Variants in MTPN observed in about 807,000 individuals in gnomAD.
MTPN encodes myotrophin, also known as granule cell differentiation protein.
In MTPN, 2 loss-of-function variants were observed where a neutral mutation model predicts 13.5. The ratio of observed to expected loss-of-function variants is 0.15; its 90% confidence interval spans 0.06 to 0.47. The LOEUF is 0.47. MTPN is among the 20% of genes least tolerant of loss of function. MTPN has a pLI of 0.97. For synonymous variants in MTPN, 46 were observed against 51.7 expected (o/e 0.89, Z 0.48); for missense variants, 79 against 137.9 (o/e 0.57, Z 2.14).
rs1478917498 is a variant in MTPN, at chr7:135,928,864, T to A, written c.*1062A>T. On this transcript the variant is annotated 3_prime_UTR_variant, in exon 4 of 4. Transcript: ENST00000393085. ...CAACTCTGGGAAACCTGGTTACAAG[T>A]GTATTTTTGAAGGGATGGGGCTAAA... 6.0e-6 allele frequency: 1 copy of A among 167,062 alleles called. No homozygotes were observed. The highest frequency in any genetic ancestry group is 2.4e-5 in the African/African-American group (1 of 41,446). 10.3% of individuals were successfully genotyped at this position (167,062 alleles called of 1,614,324 possible). A position where few individuals can be genotyped will look rare whatever the true frequency, so the allele number is the denominator to read the frequency against.
At chr7:135,965,070 A>T (rs1467849246) in intron 1 of MTPN, among the ~76,000 whole-genome samples, 1 of 152,072 alleles carries the variant, frequency 6.6e-6, no homozygotes, top group African/African-American at 2.4e-5. Flanking sequence ...CCAAGGCCTA[A>T]AATATTTACT....
chr7:135,931,071 C>T (rs1056364657), intron 3 of MTPN, among the ~76,000 whole-genome samples: 3 of 152,176 alleles, frequency 2.0e-5, no homozygotes, highest in Admixed American at 1.3e-4. Context: ...TCACCAGTTC[C>T]TGCTGTGTTT....
rs572690619 is a variant in MTPN, at chr7:135,927,674, T to A, written c.*2252A>T. 2 of 582,108 alleles carry A rather than the reference T, an allele frequency of 3.4e-6. No homozygotes were observed. Among genetic ancestry groups the A allele is most frequent in the South Asian group, 3.1e-5 (2 of 64,172 alleles). The allele number at this position is 582,108 out of a possible 1,614,324, so 36.1% of individuals were successfully genotyped here. A position where few individuals can be genotyped will look rare whatever the true frequency, so the allele number is the denominator to read the frequency against. ...AGTTAAAAAAAGAAACTGTGAACCA[T>A]CTTGGTCAGTCTATTCTATTCTATG... On this transcript the variant is annotated 3_prime_UTR_variant, in exon 4 of 4. Coordinates refer to ENST00000393085, the MANE Select transcript of MTPN (RefSeq NM_145808.4).
In MTPN at chr7:135,929,778, G is replaced by C; in HGVS notation, c.*148C>G. On this transcript the variant is annotated 3_prime_UTR_variant, in exon 4 of 4. Transcript: ENST00000393085. ...CCAAAACAATTTTTTTTTTCTGGTA[G>C]TCGGATTTGTTATGAATTTCTCTCT... 1.3e-6 allele frequency: 1 copy of C among 750,970 alleles called. No homozygotes were observed. The allele number at this position is 750,970 out of a possible 1,614,324, so 46.5% of individuals were successfully genotyped here.
intron 3 of MTPN, among the ~76,000 whole-genome samples, chr7:135,935,235 A>ATTTC (rs141239964): frequency 0.065 from 9,729 of 149,868 alleles, 446 homozygotes; most frequent in Non-Finnish European, 0.099. Context: ...GGATGCAATG[A>ATTTC]TTTCTTTCTT....
chr7:135,959,910 A>G (rs556018761), intron 1 of MTPN, among the ~76,000 whole-genome samples: 114 of 152,146 alleles, frequency 7.5e-4, no homozygotes, highest in African/African-American at 2.7e-3. Context: ...ATGAAATCAA[A>G]CTTACATAGT....
Position 135,946,786 on chromosome 7 carries a change from C to T in MTPN, c.270+3813G>A, listed in dbSNP as rs1235330139. Among the ~76,000 whole-genome samples, 3 of 152,278 alleles carry T rather than the reference C, an allele frequency of 2.0e-5. No homozygotes were observed. In the South Asian group the frequency reaches 6.2e-4, roughly 32 times the overall value. On this transcript the variant is annotated intron_variant, in intron 3 of 3. Coordinates refer to ENST00000393085, the MANE Select transcript of MTPN (RefSeq NM_145808.4). ...TCTAAATGACACATGATTATACAGG[C>T]TGCCTATTATTGCTTTGATAAAAAC... is the stretch of plus-strand genomic sequence containing the variant.
intron 1 of MTPN, among the ~76,000 whole-genome samples, chr7:135,972,231 G>GCGCGCGCGCACACA (rs779296906): frequency 1.6e-5 from 2 of 124,718 alleles, no homozygotes; most frequent in African/African-American, 6.0e-5. Context: ...GCACGCGCGC[G>GCGCGCGCGCACACA]CACACACACA....
chr7:135,936,476 C>T (rs1276053827), intron 3 of MTPN, among the ~76,000 whole-genome samples: 1 of 152,264 alleles, frequency 6.6e-6, no homozygotes, highest in South Asian at 2.1e-4. Context: ...CAGAGTGAGA[C>T]TCCGTCTCAA....
rs1042211529 is a variant in MTPN, at chr7:135,928,836, C to G, written c.*1090G>C. 3 of 167,050 alleles carry G rather than the reference C, an allele frequency of 1.8e-5. No individual in the cohort carries two copies. In the Admixed American group the frequency reaches 2.0e-4, roughly 11 times the overall value. The allele number at this position is 167,050 out of a possible 1,614,324, so 10.3% of individuals were successfully genotyped here. ...TGGCATATGTTCAGCAGAAGCCTATCAACAACTCTGGGAAACCTGGTTACA... is the reference window on the plus strand; with the variant it reads ...TGGCATATGTTCAGCAGAAGCCTATGAACAACTCTGGGAAACCTGGTTACA... On this transcript the variant is annotated 3_prime_UTR_variant, in exon 4 of 4. Coordinates refer to ENST00000393085, the MANE Select transcript of MTPN (RefSeq NM_145808.4).
intron 3 of MTPN, among the ~76,000 whole-genome samples, chr7:135,941,073 C>A (rs1314065520): frequency 6.6e-6 from 1 of 152,088 alleles, no homozygotes; most frequent in African/African-American, 2.4e-5. Context: ...ACTACCTGGC[C>A]CTTAACAGAA....
At chr7:135,939,494 C>A (rs912765328) in intron 3 of MTPN, among the ~76,000 whole-genome samples, 1 of 149,764 alleles carries the variant, frequency 6.7e-6, no homozygotes, top group Admixed American at 6.8e-5. Context: ...AGCTCTTTCC[C>A]CCCTCTTCCT....
chr7:135,949,363 G>A (rs1799329833), intron 3 of MTPN, among the ~76,000 whole-genome samples: 1 of 152,166 alleles, frequency 6.6e-6, no homozygotes, highest in South Asian at 2.1e-4. Context: ...GAGAAAGACA[G>A]TGACTGGAAA....
chr7:135,953,837 A>G (rs1486795603), intron 1 of MTPN, among the ~76,000 whole-genome samples: 1 of 152,204 alleles, frequency 6.6e-6, no homozygotes, highest in Non-Finnish European at 1.5e-5. Context: ...AATCTAAGTT[A>G]AGACTACTTC....
At chr7:135,965,492 A>G (rs1562936155) in intron 1 of MTPN, among the ~76,000 whole-genome samples, 2 of 152,160 alleles carry the variant, frequency 1.3e-5, no homozygotes, top group African/African-American at 2.4e-5. Context: ...TTATATTGTT[A>G]TAAGTAATGT....
chr7:135,946,587 T>C (rs1799291898), intron 3 of MTPN, among the ~76,000 whole-genome samples: 1 of 152,198 alleles, frequency 6.6e-6, no homozygotes, highest in Non-Finnish European at 1.5e-5. Context: ...ACCATGTAGT[T>C]TGCAAAGGCA....
intron 3 of MTPN, among the ~76,000 whole-genome samples, chr7:135,935,130 T>TTTACTTAAGTC (rs1172192558): frequency 1.6e-4 from 24 of 152,194 alleles, no homozygotes; most frequent in Non-Finnish European, 2.8e-4. Context: ...GCAGTTCTTG[T>TTTACTTAAGTC]TTACTTAAGT....
chr7:135,970,499 T>C (rs1799677753), intron 1 of MTPN, among the ~76,000 whole-genome samples: 1 of 152,216 alleles, frequency 6.6e-6, no homozygotes, highest in Non-Finnish European at 1.5e-5. Context: ...ATCAATTTTA[T>C]ATTTTAAAGA....
chr7:135,958,779 C>T (rs2116389536), intron 1 of MTPN, among the ~76,000 whole-genome samples: 1 of 152,246 alleles, frequency 6.6e-6, no homozygotes, highest in African/African-American at 2.4e-5. Context: ...GTCAGAGAGA[C>T]CTACCATCTG....
Sources: gnomAD v4.1 joint callset for allele counts (sites outside exome capture counted in the v4.1 genomes callset) on GRCh38, gnomAD v4.1.1 for gene constraint, MANE v1.5 for transcripts, NCBI Gene and HGNC (gene_info 2026-07-23, HGNC 2026-07-21) for gene names.